MARK3: variants seen among roughly 807,000 people sequenced by gnomAD.
MARK3 encodes the protein MAP/microtubule affinity-regulating kinase 3.
A neutral mutation model predicts 90.1 loss-of-function variants in MARK3; 46 were observed. The ratio of observed to expected loss-of-function variants is 0.51; its 90% confidence interval spans 0.40 to 0.65. The LOEUF (loss-of-function observed/expected upper bound fraction) is 0.65, where lower values mean the gene tolerates loss of function less well. Ranked by LOEUF, MARK3 falls within the 30% of genes least tolerant of loss-of-function variation. The pLI, the probability that MARK3 is intolerant of heterozygous loss-of-function variation, is 0.00. For missense variants in MARK3, 818 were observed against 947.2 expected (o/e 0.86, Z 1.79); for synonymous variants, 321 against 332.6 (o/e 0.97, Z 0.38).
Position 103,406,528 on chromosome 14 carries a change from C to T in MARK3, c.243+1261C>T, listed in dbSNP as rs963748321. 3.9e-5 allele frequency among the ~76,000 whole-genome samples: 6 copies of T among 152,168 alleles called. No homozygotes were observed. In the South Asian group the frequency reaches 6.2e-4, roughly 16 times the overall value. ...CTGGGATTATAGGCATGAGCCACCA[C>T]GCCCAGCCTAATTAAGCTTTCTCAA... On this transcript the variant is annotated intron_variant, in intron 2 of 17. Transcript: ENST00000429436.
At position 103,475,055 on chromosome 14, in the gene MARK3, A is replaced by G. The variant is rs56305318; in HGVS notation, c.1327A>G (p.Ser443Gly). Reference sequence around the variant, plus strand: ...AAGGAGTCAGACCAGCACTGCAGATAGTGACCTCAAAGAAGATGGAATTTC... The same window carrying G: ...AAGGAGTCAGACCAGCACTGCAGATGGTGACCTCAAAGAAGATGGAATTTC... The part of the protein sequence containing the change: ...PKRSQTSTAD[S>G]DLKEDGISSR... Residue 443 changes from serine (S) to glycine (G), a missense_variant, in exon 13 of 18, where the codon AGT (serine) becomes GGT (glycine). Ser to Gly is a moderately conservative substitution (Grantham distance 56). Transcript: ENST00000429436. 12,898 of 1,614,142 alleles carry G rather than the reference A, an allele frequency of 8.0e-3. 949 individuals carry two copies. The African/African-American group carries it at 0.15, about 19-fold the overall frequency.
At chr14:103,436,772 C>T (rs2141148001) in intron 3 of MARK3, among the ~76,000 whole-genome samples, 2 of 152,200 alleles carry the variant, frequency 1.3e-5, no homozygotes, top group East Asian at 3.9e-4. Context: ...GTCACCACCC[C>T]CAGCCTGATT....
intron 13 of MARK3, among the ~76,000 whole-genome samples, chr14:103,478,178 C>T (rs2093749502): frequency 6.6e-6 from 1 of 151,746 alleles, no homozygotes; most frequent in Non-Finnish European, 1.5e-5. Context: ...ACCTGTAATC[C>T]CAGCTACTCG....
chr14:103,435,955 A>G (rs2092705960), intron 3 of MARK3, among the ~76,000 whole-genome samples: 1 of 151,948 alleles, frequency 6.6e-6, no homozygotes, highest in Non-Finnish European at 1.5e-5. Flanking sequence ...CAGTGGTGCC[A>G]TCTCGGCTCA....
At chr14:103,438,059 G>A (rs1193975240) in intron 3 of MARK3, among the ~76,000 whole-genome samples, 1 of 152,126 alleles carries the variant, frequency 6.6e-6, no homozygotes, top group Non-Finnish European at 1.5e-5. Flanking sequence ...GGAGTGCAAT[G>A]GCGTGATCTC....
At position 103,466,050 on chromosome 14, in the gene MARK3, C is replaced by G; in HGVS notation, c.856C>G (p.Arg286Gly). 6.2e-7 allele frequency: 1 copy of G among 1,613,980 alleles called. No homozygotes were observed. Among genetic ancestry groups the G allele is most frequent in the Non-Finnish European group, 8.5e-7 (1 of 1,179,992 alleles). The change falls in exon 9 of 18, where the codon CGT (arginine) becomes GGT (glycine). Residue 286 changes from arginine to glycine, a missense_variant. Transcript: ENST00000429436. Reference sequence around the variant, plus strand: ...TACAGACTGTGAAAACCTTCTCAAACGTTTCCTGGTGCTAAATCCAATTAA... The same window carrying G: ...TACAGACTGTGAAAACCTTCTCAAAGGTTTCCTGGTGCTAAATCCAATTAA... ...MSTDCENLLK[R>G]FLVLNPIKRG...
At chr14:103,462,351 T>G in intron 6 of MARK3, 54 bp from the exon 7 acceptor site, 3 of 1,299,242 alleles carry the variant, frequency 2.3e-6, no homozygotes, top group Non-Finnish European at 3.3e-6. Context: ...GTTATTTTCA[T>G]CTTAATTACG....
chr14:103,399,158 A>C (rs1399652390), intron 1 of MARK3, among the ~76,000 whole-genome samples: 1 of 152,192 alleles, frequency 6.6e-6, no homozygotes, highest in African/African-American at 2.4e-5. Flanking sequence ...TCCTGCCGGC[A>C]AGGATTTTTT....
chr14:103,440,777 AT>A (rs1306460845), intron 3 of MARK3, among the ~76,000 whole-genome samples: 336 of 143,620 alleles, frequency 2.3e-3, no homozygotes, highest in Middle Eastern at 3.6e-3. Context: ...CTACAAAAAG[AT>A]TTTTTTTTTT....
intron 6 of MARK3, among the ~76,000 whole-genome samples, chr14:103,460,862 AC>A (rs1218211652): frequency 2.6e-5 from 4 of 152,228 alleles, no homozygotes; most frequent in African/African-American, 9.6e-5. Context: ...ACTGAATAGA[AC>A]AATAGTGATA....
chr14:103,419,017 G>A (rs1280318473), intron 2 of MARK3, among the ~76,000 whole-genome samples: 1 of 152,152 alleles, frequency 6.6e-6, no homozygotes, highest in Non-Finnish European at 1.5e-5. Context: ...GGCTGGGCGC[G>A]GTGGCTCACG....
chr14:103,412,068 TTTG>T (rs2140837858), intron 2 of MARK3: 1 of 495,622 alleles, frequency 2.0e-6, no homozygotes, highest in Admixed American at 4.1e-5. Flanking sequence ...TAGTTGGTTT[TTTG>T]TTTTTTGTTT....
chr14:103,391,048 T>A (rs889628448), intron 1 of MARK3, among the ~76,000 whole-genome samples: 1 of 152,140 alleles, frequency 6.6e-6, no homozygotes, highest in African/African-American at 2.4e-5. Context: ...TAGGAAAATT[T>A]AAAAAAATAG....
chr14:103,488,732 G>A (rs34347076), intron 14 of MARK3, among the ~76,000 whole-genome samples: 43,126 of 152,092 alleles, frequency 0.28, 7,269 homozygotes, highest in Non-Finnish European at 0.36. Context: ...GCACACTCCT[G>A]TGGCTGAGAT....
At chr14:103,465,500 ATAATTC>A in intron 7 of MARK3, 51 bp from the exon 8 acceptor site, 1 of 1,233,826 alleles carries the variant, frequency 8.1e-7, no homozygotes, top group Non-Finnish European at 1.2e-6. Flanking sequence ...TAATCCTGTC[ATAATTC>A]TAATTCTATT....
intron 3 of MARK3, among the ~76,000 whole-genome samples, chr14:103,444,429 CAACT>C (rs1161586948): frequency 1.3e-5 from 2 of 151,832 alleles, no homozygotes; most frequent in African/African-American, 2.4e-5. Context: ...TTCTTTTTTC[CAACT>C]AACATCTATT....
intron 2 of MARK3, among the ~76,000 whole-genome samples, chr14:103,407,554 C>CTTTTTTTTTTTTTTTTT (rs71460673): frequency 1.4e-5 from 1 of 71,664 alleles, no homozygotes; most frequent in African/African-American, 5.8e-5. Flanking sequence ...TGTTTTGCCT[C>CTTTTTTTTTTTTTTTTT]TTTTTTTTTT....
Position 103,395,759 on chromosome 14 carries a change from TTTTTCCTCAGAA to T in MARK3, c.52-9312_52-9301del, listed in dbSNP as rs2090540983. ...ATATAGAATTCTAGACTGAATGCCC[TTTTTCCTCAGAA>T]TTTTGTTTTCTGTCTTATATAGCAT... On this transcript the variant is annotated intron_variant, in intron 1 of 17. Transcript: ENST00000429436. 2.0e-5 allele frequency among the ~76,000 whole-genome samples: 3 copies of T among 152,208 alleles called. No individual in the cohort carries two copies. In the South Asian group the frequency reaches 6.2e-4, roughly 31 times the overall value.
intron 15 of MARK3, among the ~76,000 whole-genome samples, chr14:103,494,035 A>G (rs1050562152): frequency 6.6e-6 from 1 of 150,912 alleles, no homozygotes; most frequent in Non-Finnish European, 1.5e-5. Context: ...GGAGTTTGAG[A>G]CAGGCCTGGC....
Sources: gnomAD v4.1 joint callset for allele counts (sites outside exome capture counted in the v4.1 genomes callset) on GRCh38, gnomAD v4.1.1 for gene constraint, MANE v1.5 for transcripts, NCBI Gene and HGNC (gene_info 2026-07-23, HGNC 2026-07-21) for gene names.